PAPOLA: variants seen among roughly 807,000 people sequenced by gnomAD.
The protein encoded by PAPOLA is poly(A) polymerase alpha, also known as polynucleotide adenylyltransferase alpha.
Under a neutral mutation model 100.6 loss-of-function variants are expected in PAPOLA, and 15 were observed. The observed-to-expected ratio is 0.15, with a 90% CI of 0.10 to 0.23. PAPOLA has a LOEUF of 0.23. PAPOLA is among the 10% of genes least tolerant of loss of function. PAPOLA has a pLI of 1.00. For missense variants in PAPOLA, 533 were observed against 884.2 expected (o/e 0.60, Z 5.04); for synonymous variants, 293 against 300.0 (o/e 0.98, Z 0.24).
At chr14:96,518,632 C>T (rs532615746) in intron 1 of PAPOLA, among the ~76,000 whole-genome samples, 2 of 152,060 alleles carry the variant, frequency 1.3e-5, no homozygotes, top group South Asian at 2.1e-4. Flanking sequence ...CTCCTGACCT[C>T]GTGATCCGCC....
At chr14:96,534,661 T>G in intron 10 of PAPOLA, 98 bp downstream of exon 10, 5 of 1,592,148 alleles carry the variant, frequency 3.1e-6, no homozygotes, top group South Asian at 2.3e-5. Flanking sequence ...CTTTTACTTA[T>G]GAATGGTCAT....
chr14:96,563,716 C>T (rs1902054919), intron 21 of PAPOLA, among the ~76,000 whole-genome samples: 1 of 152,082 alleles, frequency 6.6e-6, no homozygotes, highest in South Asian at 2.1e-4. Flanking sequence ...CTTTTATTGA[C>T]TCTAAAGATA....
In PAPOLA at chr14:96,565,883, C is replaced by G; in HGVS notation, c.*833C>G. 1 of 398,506 alleles carries G rather than the reference C, an allele frequency of 2.5e-6. No homozygotes were observed. The highest frequency in any genetic ancestry group is 4.4e-6 in the Non-Finnish European group (1 of 225,730). The allele number at this position is 398,506 out of a possible 1,614,324, so 24.7% of individuals were successfully genotyped here. On this transcript the variant is annotated 3_prime_UTR_variant, in exon 22 of 22. Coordinates refer to ENST00000216277, the MANE Select transcript of PAPOLA (RefSeq NM_032632.5). ...TCCCTCCCCTGTTTTCTTCCTTTTT[C>G]TTTTTGCTTGTATGCACAAGGTAGG...
chr14:96,518,291 A>G (rs1897637084), intron 1 of PAPOLA, among the ~76,000 whole-genome samples: 1 of 152,254 alleles, frequency 6.6e-6, no homozygotes. Context: ...TGATATCACA[A>G]GACAAATTAC....
intron 1 of PAPOLA, chr14:96,502,812 T>G: frequency 2.0e-6 from 1 of 490,926 alleles, no homozygotes; most frequent in Non-Finnish European, 3.5e-6. Context: ...CGACCCTTCC[T>G]GGCTGGGTCA....
intron 12 of PAPOLA, among the ~76,000 whole-genome samples, chr14:96,539,097 C>A (rs1048546394): frequency 1.3e-5 from 2 of 151,880 alleles, no homozygotes; most frequent in Non-Finnish European, 2.9e-5. Context: ...TTTTAAATGC[C>A]GCTTCTGAGA....
intron 1 of PAPOLA, among the ~76,000 whole-genome samples, chr14:96,518,005 A>G (rs1238584311): frequency 5.3e-5 from 8 of 152,032 alleles, no homozygotes; most frequent in Admixed American, 5.2e-4. Context: ...TGCTTGGGCC[A>G]GTCTTCAGCA....
intron 5 of PAPOLA, 64 bp from the exon 6 acceptor site, chr14:96,527,889 C>G (rs1052813266): frequency 2.7e-5 from 30 of 1,130,208 alleles, no homozygotes; most frequent in Non-Finnish European, 3.7e-5. Flanking sequence ...TGCTAAAGTA[C>G]TAAAACTAGT....
intron 6 of PAPOLA, among the ~76,000 whole-genome samples, chr14:96,530,982 C>T (rs1400135785): frequency 6.6e-6 from 1 of 151,184 alleles, no homozygotes; most frequent in Non-Finnish European, 1.5e-5. Flanking sequence ...CAGGTGTGTG[C>T]CACTACACCT....
Position 96,536,958 on chromosome 14 carries a change from AAT to A in PAPOLA, c.1031-15_1031-14del. On this transcript the variant is annotated splice_polypyrimidine_tract_variant and intron_variant, in intron 11 of 21. Transcript: ENST00000216277. ...GTAGACTGAAGTATGCAAACATTTT[AAT>A]ATGTTTTTAATTTAGGTCTTGCTAT... The A allele has an allele frequency of 2.8e-6, 4 of 1,447,436 alleles. No individual in the cohort carries two copies. The highest frequency in any genetic ancestry group is 1.4e-5 in the African/African-American group (1 of 71,840). The allele number at this position is 1,447,436 out of a possible 1,614,324, so 89.7% of individuals were successfully genotyped here. A position where few individuals can be genotyped will look rare whatever the true frequency, so the allele number is the denominator to read the frequency against.
chr14:96,563,768 T>A (rs1342440613), intron 21 of PAPOLA, among the ~76,000 whole-genome samples: 1 of 152,180 alleles, frequency 6.6e-6, no homozygotes, highest in Non-Finnish European at 1.5e-5. Context: ...TTTTCCATAA[T>A]CTAATAAAAC....
At position 96,538,228 on chromosome 14, in the gene PAPOLA, A is replaced by G. The variant is rs542806323; in HGVS notation, c.1115+1168A>G. On this transcript the variant is annotated intron_variant, in intron 12 of 21. Coordinates refer to ENST00000216277, the MANE Select transcript of PAPOLA (RefSeq NM_032632.5). Reference sequence around the variant, plus strand: ...AATAAAGGAATTGGTTTTACAGGAAAGTGCTAGTACCCCTTAATTCCTGGA... The same window carrying G: ...AATAAAGGAATTGGTTTTACAGGAAGGTGCTAGTACCCCTTAATTCCTGGA... 2.6e-5 allele frequency among the ~76,000 whole-genome samples: 4 copies of G among 152,132 alleles called. No homozygotes were observed. The East Asian group carries it at 7.7e-4, about 29-fold the overall frequency.
intron 15 of PAPOLA, among the ~76,000 whole-genome samples, 161 bp downstream of exon 15, chr14:96,544,419 A>G (rs1900225148): frequency 6.6e-6 from 1 of 152,068 alleles, no homozygotes; most frequent in African/African-American, 2.4e-5. Flanking sequence ...CAGATTGAGT[A>G]TTCCTTATCC....
intron 1 of PAPOLA, among the ~76,000 whole-genome samples, chr14:96,506,637 T>A (rs556338802): frequency 6.6e-6 from 1 of 152,324 alleles, no homozygotes; most frequent in South Asian, 2.1e-4. Flanking sequence ...TTAAAAGATG[T>A]TTCTGCTGAC....
chr14:96,511,716 A>G (rs896562366), intron 1 of PAPOLA, among the ~76,000 whole-genome samples: 2 of 152,200 alleles, frequency 1.3e-5, no homozygotes, highest in Non-Finnish European at 2.9e-5. Context: ...ATTGTCTTTT[A>G]TGCATATTTA....
intron 3 of PAPOLA, among the ~76,000 whole-genome samples, chr14:96,523,155 G>A (rs1237703717): frequency 6.6e-6 from 1 of 151,042 alleles, no homozygotes; most frequent in Non-Finnish European, 1.5e-5. Context: ...TGGTTTGTTT[G>A]ACATCTAATA....
intron 19 of PAPOLA, among the ~76,000 whole-genome samples, chr14:96,560,063 G>C (rs182765720): frequency 4.2e-4 from 64 of 152,200 alleles, no homozygotes; most frequent in African/African-American, 1.3e-3. Flanking sequence ...TTCTATGCCT[G>C]TTTTAAAAGT....
At position 96,541,402 on chromosome 14, in the gene PAPOLA, C is replaced by T. The variant is rs193162455; in HGVS notation, c.1116-841C>T. Among the ~76,000 whole-genome samples, 118 of 152,170 alleles carry T rather than the reference C, an allele frequency of 7.8e-4. 1 individual carries two copies. In the East Asian group the frequency reaches 0.016, roughly 21 times the overall value. On this transcript the variant is annotated intron_variant, in intron 12 of 21. Transcript: ENST00000216277. ...GTCAGTACTAGATGATGTCAGTTTG[C>T]TTTTTGGGGTAGAGATTCTGGTGTG...
chr14:96,514,524 A>G (rs1324715186), intron 1 of PAPOLA, among the ~76,000 whole-genome samples: 1 of 152,174 alleles, frequency 6.6e-6, no homozygotes, highest in African/African-American at 2.4e-5. Flanking sequence ...GTGGTTCTTG[A>G]TAGTTGAGAT....
Sources: gnomAD v4.1 joint callset for allele counts (sites outside exome capture counted in the v4.1 genomes callset) on GRCh38, gnomAD v4.1.1 for gene constraint, MANE v1.5 for transcripts, NCBI Gene and HGNC (gene_info 2026-07-23, HGNC 2026-07-21) for gene names.